AHI1: variants seen among roughly 807,000 people sequenced by gnomAD.
AHI1 encodes the protein Abelson helper integration site 1, also known as jouberin.
AHI1 carries 123 observed loss-of-function variants against 149.3 expected under a neutral mutation model. That is an observed-to-expected ratio of 0.82 (90% CI 0.71 to 0.96). The LOEUF (loss-of-function observed/expected upper bound fraction) is 0.96, where lower values mean the gene tolerates loss of function less well. Ranked by LOEUF, AHI1 falls within the 40% of genes least tolerant of loss-of-function variation. The pLI is 0.00. For synonymous variants in AHI1, 475 were observed against 459.8 expected (o/e 1.03, Z -0.42); for missense variants, 1,439 against 1,422.7 (o/e 1.01, Z -0.18).
chr6:135,479,041 T>G (rs1042537355), intron 5 of AHI1, among the ~76,000 whole-genome samples: 28 of 152,270 alleles, frequency 1.8e-4, no homozygotes, highest in Non-Finnish European at 1.8e-4. Context: ...TAGAAACCTC[T>G]GCCTAGATTA....
At chr6:135,376,110 C>T (rs954130738) in intron 23 of AHI1, among the ~76,000 whole-genome samples, 6 of 151,132 alleles carry the variant, frequency 4.0e-5, no homozygotes, top group Non-Finnish European at 8.8e-5. Flanking sequence ...CGGGGCGGGG[C>T]GCAGTGGTGG....
At chr6:135,298,821 T>C (rs1318621146) in intron 27 of AHI1, among the ~76,000 whole-genome samples, 1 of 152,210 alleles carries the variant, frequency 6.6e-6, no homozygotes, top group Non-Finnish European at 1.5e-5. Flanking sequence ...ATGACATGGA[T>C]CTCTGTATCT....
intron 28 of AHI1, among the ~76,000 whole-genome samples, chr6:135,288,887 G>A (rs142327579): frequency 6.6e-6 from 1 of 151,638 alleles, no homozygotes; most frequent in African/African-American, 2.4e-5. Context: ...ACTTCACAAA[G>A]AATGGATCAA....
At chr6:135,374,119 T>C (rs1163797325) in intron 23 of AHI1, among the ~76,000 whole-genome samples, 2 of 132,370 alleles carry the variant, frequency 1.5e-5, no homozygotes, top group African/African-American at 5.6e-5. Flanking sequence ...TTTTTTTTTT[T>C]TTTTTTTTTT....
At chr6:135,397,825 T>G (rs1779440994) in intron 22 of AHI1, among the ~76,000 whole-genome samples, 1 of 152,082 alleles carries the variant, frequency 6.6e-6, no homozygotes, top group African/African-American at 2.4e-5. Flanking sequence ...TACATTCACC[T>G]GAAGAATTGT....
chr6:135,361,036 A>G (rs144725028), intron 23 of AHI1, among the ~76,000 whole-genome samples: 3 of 151,964 alleles, frequency 2.0e-5, no homozygotes, highest in Non-Finnish European at 4.4e-5. Flanking sequence ...CTCTTTTTCT[A>G]TATTCTTTTG....
At chr6:135,429,563 T>C (rs1018176222) in intron 18 of AHI1, among the ~76,000 whole-genome samples, 3 of 151,852 alleles carry the variant, frequency 2.0e-5, no homozygotes, top group South Asian at 2.1e-4. Context: ...TTGTTGAAGG[T>C]AGAAGTTTCT....
At chr6:135,401,893 A>C (rs1780072288) in intron 22 of AHI1, among the ~76,000 whole-genome samples, 1 of 152,174 alleles carries the variant, frequency 6.6e-6, no homozygotes, top group Non-Finnish European at 1.5e-5. Flanking sequence ...GTGAAAAGAC[A>C]ATCCACAAAA....
At chr6:135,494,305 A>C (rs1795671255) in intron 3 of AHI1, among the ~76,000 whole-genome samples, 2 of 152,326 alleles carry the variant, frequency 1.3e-5, no homozygotes, top group Non-Finnish European at 1.5e-5. Flanking sequence ...TAGACAGAAG[A>C]AGCAACAATA....
intron 24 of AHI1, among the ~76,000 whole-genome samples, chr6:135,340,682 T>TAC (rs1790223560): frequency 7.3e-6 from 1 of 136,884 alleles, no homozygotes; most frequent in Admixed American, 7.1e-5. Flanking sequence ...TATATATATA[T>TAC]ATATATATAT....
chr6:135,363,936 C>G (rs1300363427), intron 23 of AHI1, among the ~76,000 whole-genome samples: 1 of 134,122 alleles, frequency 7.5e-6, no homozygotes, highest in South Asian at 2.4e-4. Flanking sequence ...GCTGGCCGGG[C>G]GGGGGGCTGA....
chr6:135,358,131 C>T lies in AHI1; in HGVS notation c.3165+1G>A, dbSNP rs1448108151. On this transcript the variant is annotated splice_donor_variant, in intron 24 of 28. Transcript: ENST00000265602. LOFTEE classifies it high-confidence loss of function. ...AACAACGTAGCAACAGACTGTCTTACCGTTGGTGCTGTATCTACCTGATGG... is the reference window on the plus strand; with the variant it reads ...AACAACGTAGCAACAGACTGTCTTATCGTTGGTGCTGTATCTACCTGATGG... 1.9e-6 allele frequency: 3 copies of T among 1,611,626 alleles called. No individual in the cohort carries two copies. In the Admixed American group the frequency reaches 5.0e-5, roughly 27 times the overall value.
intron 8 of AHI1, among the ~76,000 whole-genome samples, chr6:135,459,548 AG>A (rs1789526987): frequency 6.6e-6 from 1 of 152,082 alleles, no homozygotes; most frequent in Admixed American, 6.6e-5. Flanking sequence ...AGAAAATCAA[AG>A]CTAAAGGTTG....
intron 24 of AHI1, among the ~76,000 whole-genome samples, chr6:135,353,433 T>C (rs780157451): frequency 6.6e-6 from 1 of 152,088 alleles, no homozygotes; most frequent in Non-Finnish European, 1.5e-5. Flanking sequence ...TTGTAGAAAA[T>C]AAAGTGCTTC....
chr6:135,371,072 T>C (rs958264726), intron 23 of AHI1, among the ~76,000 whole-genome samples: 3 of 152,206 alleles, frequency 2.0e-5, no homozygotes, highest in Non-Finnish European at 2.9e-5. Context: ...TCTTTTTATA[T>C]AGTTAAGTTT....
intron 10 of AHI1, among the ~76,000 whole-genome samples, chr6:135,453,804 T>G (rs1184548461): frequency 6.6e-6 from 1 of 152,130 alleles, no homozygotes; most frequent in Admixed American, 6.6e-5. Context: ...CTCACAACCC[T>G]ATTTCTGGGT....
chr6:135,374,096 ATATATATATATATTTTTTTTTTT>A (rs1562606864), intron 23 of AHI1, among the ~76,000 whole-genome samples: 1 of 20,800 alleles, frequency 4.8e-5, no homozygotes, highest in African/African-American at 1.9e-4. Flanking sequence ...ATATATATAT[ATATATATATATATTTTTTTTTTT>A]TTTTTTTTTT....
intron 4 of AHI1, 139 bp from the exon 5 acceptor site, chr6:135,490,886 T>C (rs1018853899): frequency 3.7e-6 from 4 of 1,085,106 alleles, no homozygotes; most frequent in Non-Finnish European, 3.9e-6. Flanking sequence ...CACCTATCTT[T>C]CCTTCTTAAA....
chr6:135,324,019 C>T (rs990732850), intron 24 of AHI1, among the ~76,000 whole-genome samples: 12 of 152,286 alleles, frequency 7.9e-5, no homozygotes, highest in African/African-American at 2.6e-4. Context: ...AGTGGCTGCA[C>T]AGGCATTTAA....
Sources: gnomAD v4.1 joint callset for allele counts (sites outside exome capture counted in the v4.1 genomes callset) on GRCh38, gnomAD v4.1.1 for gene constraint, MANE v1.5 for transcripts, NCBI Gene and HGNC (gene_info 2026-07-23, HGNC 2026-07-21) for gene names.